Variants in GSE1 observed in about 807,000 individuals in gnomAD.
The protein encoded by GSE1 is Gse1 coiled-coil protein.
In GSE1, 32 loss-of-function variants were observed where a neutral mutation model predicts 112.6. The observed-to-expected ratio is 0.28, with a 90% confidence interval of 0.21 to 0.38. The LOEUF is 0.38. Among genes scored for constraint, GSE1 ranks in the 10% least tolerant of loss-of-function variants. The probability of loss-of-function intolerance (pLI) is 1.00; values close to 1 mark genes in which losing one functional copy is unlikely to be tolerated. For missense variants in GSE1, 2,348 were observed against 1,699.2 expected (o/e 1.38, Z -6.71); for synonymous variants, 1,115 against 735.6 (o/e 1.52, Z -8.35).
In GSE1 at chr16:85,668,285, C is replaced by T. The variant is rs2053046249; in HGVS notation, c.3276C>T (p.Pro1092=). Residue 1092 remains proline (P), a synonymous_variant, in exon 14 of 16, where the codon CCC becomes CCT. Coordinates refer to ENST00000253458, the MANE Select transcript of GSE1 (RefSeq NM_014615.5). ...QQEPPTARKG[P]PTQELDRDSE... ...AGCCCCCCACTGCAAGGAAGGGCCC[C>T]CCAACCCAGGAGTTGGACCGGGACT... 1.9e-6 allele frequency: 3 copies of T among 1,612,486 alleles called. No individual in the cohort carries two copies. Among genetic ancestry groups the T allele is most frequent in the Non-Finnish European group, 1.7e-6 (2 of 1,178,664 alleles).
At chr16:85,374,983 G>A (rs80348032) in intron 2 of GSE1, among the ~76,000 whole-genome samples, 4,202 of 152,280 alleles carry the variant, frequency 0.028, 93 homozygotes, top group South Asian at 0.087. Context: ...GTAGAAAACA[G>A]GGCTGCGGCC....
At chr16:85,411,479 C>G (rs1413999789) in intron 2 of GSE1, among the ~76,000 whole-genome samples, 1 of 41,740 alleles carries the variant, frequency 2.4e-5, no homozygotes, top group Non-Finnish European at 4.9e-5. Context: ...CAGGGCCCCC[C>G]TGGATAATCC....
chr16:85,519,594 A>C lies in GSE1; in HGVS notation c.2465-114320A>C, dbSNP rs866038262. On this transcript the variant is annotated intron_variant, in intron 2 of 2. Coordinates refer to the GSE1 transcript ENST00000637419. ...ACCATCACCAGTCTCCATCATCATC[A>C]CCTTCACCACCATCATCACCATCAC... is the stretch of plus-strand genomic sequence containing the variant. Among the ~76,000 whole-genome samples the C allele has an allele frequency of 1.3e-4, 19 of 149,082 alleles. 2 individuals carry two copies. The highest frequency in any genetic ancestry group is 4.6e-4 in the African/African-American group (18 of 39,338).
intron 1 of GSE1, among the ~76,000 whole-genome samples, chr16:85,178,804 G>A (rs1297705762): frequency 6.8e-6 from 1 of 147,872 alleles, no homozygotes; most frequent in South Asian, 2.2e-4. Context: ...GGGGCCTGCC[G>A]TCTGCACAGT....
At chr16:85,316,480 G>C (rs578177511) in intron 1 of GSE1, among the ~76,000 whole-genome samples, 9 of 152,316 alleles carry the variant, frequency 5.9e-5, no homozygotes, top group Non-Finnish European at 1.2e-4. Flanking sequence ...ACTGGTCCGG[G>C]TGTCCTCTCT....
At chr16:85,572,874 G>C (rs2046067532) in intron 1 of GSE1, among the ~76,000 whole-genome samples, 1 of 152,154 alleles carries the variant, frequency 6.6e-6, no homozygotes, top group Non-Finnish European at 1.5e-5. Flanking sequence ...TGCAAGAGAG[G>C]AATCACACAT....
Position 85,404,928 on chromosome 16 carries a change from CCT to C in GSE1, c.2464+47286_2464+47287del, listed in dbSNP as rs1440564888. 4.5e-4 allele frequency among the ~76,000 whole-genome samples: 18 copies of C among 39,870 alleles called. No individual in the cohort carries two copies. In the East Asian group the frequency reaches 7.0e-3, roughly 16 times the overall value. The allele number at this position is 39,870 out of a possible 152,430, so 26.2% of individuals were successfully genotyped here. On this transcript the variant is annotated intron_variant, in intron 2 of 2. Transcript: ENST00000637419. Reference sequence around the variant, plus strand: ...ATCCTCACTGTTACTCTCAGGCCCCCCTGGATAATCCTCACTGTTACTCTCAG... The same window carrying C: ...ATCCTCACTGTTACTCTCAGGCCCCCGGATAATCCTCACTGTTACTCTCAG...
At chr16:85,370,061 C>G (rs974276295) in intron 2 of GSE1, among the ~76,000 whole-genome samples, 3 of 152,144 alleles carry the variant, frequency 2.0e-5, no homozygotes, top group African/African-American at 7.2e-5. Flanking sequence ...TCTAGGTGGT[C>G]CCTGCGCCAC....
chr16:85,543,439 A>G (rs1015449402), intron 2 of GSE1, among the ~76,000 whole-genome samples: 9 of 152,208 alleles, frequency 5.9e-5, no homozygotes, highest in African/African-American at 9.7e-5. Context: ...AAAGGGATAA[A>G]CACTGAGATG....
At chr16:85,403,779 G>C (rs1039357078) in intron 2 of GSE1, among the ~76,000 whole-genome samples, 1 of 152,134 alleles carries the variant, frequency 6.6e-6, no homozygotes, top group Admixed American at 6.5e-5. Flanking sequence ...TCCAGTCCTG[G>C]TGACAGAGTG....
At chr16:85,309,471 G>T (rs1287218404) in intron 1 of GSE1, among the ~76,000 whole-genome samples, 1 of 151,634 alleles carries the variant, frequency 6.6e-6, no homozygotes, top group Non-Finnish European at 1.5e-5. Context: ...TCTAGCCTGG[G>T]CGACAGAGCC....
At chr16:85,409,215 C>T (rs866166848) in intron 2 of GSE1, among the ~76,000 whole-genome samples, 45 of 32,714 alleles carry the variant, frequency 1.4e-3, no homozygotes, top group South Asian at 1.7e-3. Flanking sequence ...CAGGGCCCCC[C>T]GGATAATCCT....
At chr16:85,574,679 G>A (rs2046146759) in intron 1 of GSE1, among the ~76,000 whole-genome samples, 1 of 152,202 alleles carries the variant, frequency 6.6e-6, no homozygotes, top group African/African-American at 2.4e-5. Flanking sequence ...CGCTGGTGTG[G>A]AATGTGCCAG....
rs753856813 is a variant in GSE1, at chr16:85,663,600, C to T, written c.2630C>T (p.Ala877Val). 6.2e-7 allele frequency: 1 copy of T among 1,612,668 alleles called. No individual in the cohort carries two copies. Among genetic ancestry groups the T allele is most frequent in the African/African-American group, 1.3e-5 (1 of 74,800 alleles). Residue 877 changes from alanine to valine, a missense_variant, in exon 11 of 16, where the codon GCT becomes GTT. Transcript: ENST00000253458. ...LTIFNLTHISAEKRKDKERLV... is the reference protein window; with the variant it reads ...LTIFNLTHISVEKRKDKERLV... ...ATCTTCAACCTGACCCACATCAGCGCTGAGAAGAGGAAAGGTAGGGCCTCG... is the reference window on the plus strand; with the variant it reads ...ATCTTCAACCTGACCCACATCAGCGTTGAGAAGAGGAAAGGTAGGGCCTCG...
intron 1 of GSE1, among the ~76,000 whole-genome samples, chr16:85,237,312 G>C (rs1904763180): frequency 6.6e-6 from 1 of 152,148 alleles, no homozygotes; most frequent in African/African-American, 2.4e-5. Context: ...GACAGAGCAA[G>C]AGACTGTCTC....
At chr16:85,399,352 G>A (rs1430867603) in intron 2 of GSE1, among the ~76,000 whole-genome samples, 1 of 152,186 alleles carries the variant, frequency 6.6e-6, no homozygotes, top group Admixed American at 6.5e-5. Flanking sequence ...GGCTTCCGGG[G>A]GGGTTCAGTC....
chr16:85,208,504 A>G (rs2075160191), intron 1 of GSE1, among the ~76,000 whole-genome samples: 1 of 152,044 alleles, frequency 6.6e-6, no homozygotes, highest in Non-Finnish European at 1.5e-5. Flanking sequence ...TGACTCCTTC[A>G]GGTCCTCGTC....
In GSE1 at chr16:85,404,080, G is replaced by A. The variant is rs147124083; in HGVS notation, c.2464+46437G>A. Reference sequence around the variant, plus strand: ...CTGCCCACCTCTCAGAAACCAGCTTGTGATTGGACACAGGGCCCCCCCGGA... The same window carrying A: ...CTGCCCACCTCTCAGAAACCAGCTTATGATTGGACACAGGGCCCCCCCGGA... On this transcript the variant is annotated intron_variant, in intron 2 of 2. Transcript: ENST00000637419. Among the ~76,000 whole-genome samples the A allele has an allele frequency of 7.0e-3, 1,053 of 151,442 alleles. 13 individuals are homozygous for A. Among genetic ancestry groups the A allele is most frequent in the African/African-American group, 0.025 (1,022 of 40,960 alleles).
intron 1 of GSE1, among the ~76,000 whole-genome samples, chr16:85,246,510 C>A (rs1025360759): frequency 2.8e-5 from 3 of 105,870 alleles, no homozygotes; most frequent in Non-Finnish European, 4.7e-5. Flanking sequence ...ACCCCCCCCC[C>A]CCCGACGCTG....
Sources: gnomAD v4.1 joint callset for allele counts (sites outside exome capture counted in the v4.1 genomes callset) on GRCh38, gnomAD v4.1.1 for gene constraint, MANE v1.5 for transcripts, NCBI Gene and HGNC (gene_info 2026-07-23, HGNC 2026-07-21) for gene names.